Variants in PRTG observed in about 807,000 individuals in gnomAD.
The protein encoded by PRTG is immunoglobulin superfamily, DCC subclass, member 5.
In PRTG, 67 loss-of-function variants were observed where a neutral mutation model predicts 122.5. That is an observed-to-expected ratio of 0.55 (90% CI 0.45 to 0.67). The LOEUF (loss-of-function observed/expected upper bound fraction) is 0.67, where lower values mean the gene tolerates loss of function less well. Among genes scored for constraint, PRTG ranks in the 30% least tolerant of loss-of-function variants. The pLI is 0.00. For missense variants in PRTG, 1,435 were observed against 1,415.4 expected (o/e 1.01, Z -0.22); for synonymous variants, 554 against 501.1 (o/e 1.11, Z -1.41).
At chr15:55,721,621 G>A (rs1442822261) in intron 2 of PRTG, among the ~76,000 whole-genome samples, 4 of 152,096 alleles carry the variant, frequency 2.6e-5, no homozygotes, top group Non-Finnish European at 4.4e-5. Context: ...AGCTACATCA[G>A]GATCTCTCCC....
intron 2 of PRTG, among the ~76,000 whole-genome samples, chr15:55,698,885 G>C (rs76302043): frequency 6.6e-5 from 10 of 151,958 alleles, no homozygotes; most frequent in African/African-American, 9.7e-5. Flanking sequence ...GTGCGGGGGT[G>C]GGGGAGATTC....
chr15:55,709,894 G>A (rs1457346394), intron 2 of PRTG, among the ~76,000 whole-genome samples: 2 of 152,220 alleles, frequency 1.3e-5, no homozygotes, highest in Non-Finnish European at 2.9e-5. Flanking sequence ...AAACTTTCGG[G>A]AGAGATGAGT....
intron 5 of PRTG, 93 bp from the exon 6 acceptor site, chr15:55,680,305 G>T: frequency 8.3e-7 from 1 of 1,205,728 alleles, no homozygotes; most frequent in Non-Finnish European, 1.2e-6. Context: ...ATCATGAAAA[G>T]TATAAAATTA....
chr15:55,635,322 C>T (rs1287170954), intron 15 of PRTG, among the ~76,000 whole-genome samples: 1 of 152,064 alleles, frequency 6.6e-6, no homozygotes, highest in African/African-American at 2.4e-5. Flanking sequence ...GAACTTCTGA[C>T]CTCGTGATCC....
At chr15:55,638,237 T>C (rs569749972) in intron 14 of PRTG, among the ~76,000 whole-genome samples, 8 of 152,290 alleles carry the variant, frequency 5.3e-5, no homozygotes, top group Admixed American at 4.6e-4. Flanking sequence ...AACAAACATA[T>C]TATTCACTTA....
chr15:55,738,019 TATATATAC>T lies in PRTG; in HGVS notation c.397+2355_397+2362del, dbSNP rs766787862. 3.6e-3 allele frequency among the ~76,000 whole-genome samples: 415 copies of T among 114,744 alleles called. 2 individuals carry two copies. Among genetic ancestry groups the T allele is most frequent in the African/African-American group, 4.7e-3 (140 of 29,514 alleles). 75.3% of individuals were successfully genotyped at this position (114,744 alleles called of 152,430 possible). On this transcript the variant is annotated intron_variant, in intron 2 of 19. Transcript: ENST00000389286. ...CTCTCTCTCTATATATATATATATA[TATATATAC>T]ACACACACACACACACACACACACC...
chr15:55,665,609 A>C (rs1462688159), intron 11 of PRTG, among the ~76,000 whole-genome samples: 2 of 150,470 alleles, frequency 1.3e-5, no homozygotes, highest in African/African-American at 4.9e-5. Context: ...GCAGTGGCAG[A>C]ATCTTGGTTC....
At chr15:55,704,189 C>T (rs943163785) in intron 2 of PRTG, among the ~76,000 whole-genome samples, 1 of 152,172 alleles carries the variant, frequency 6.6e-6, no homozygotes, top group Non-Finnish European at 1.5e-5. Context: ...CTTTCTTATG[C>T]CTTGTTGTCA....
Position 55,742,958 on chromosome 15 carries a change from C to G in PRTG, c.-27G>C. 6.7e-7 allele frequency: 1 copy of G among 1,484,448 alleles called. No individual in the cohort carries two copies. The allele number at this position is 1,484,448 out of a possible 1,614,324, so 92.0% of individuals were successfully genotyped here. ...CAGCGTAGCCGCGCGGGCATGCTCCCCGGCCGCCCAGAGCCCCTGTCCGTC... is the reference window on the plus strand; with the variant it reads ...CAGCGTAGCCGCGCGGGCATGCTCCGCGGCCGCCCAGAGCCCCTGTCCGTC... On this transcript the variant is annotated 5_prime_UTR_variant, in exon 1 of 20. Transcript: ENST00000389286.
intron 17 of PRTG, 103 bp downstream of exon 17, chr15:55,626,905 G>T: frequency 1.0e-6 from 1 of 998,836 alleles, no homozygotes; most frequent in Non-Finnish European, 1.4e-6. Context: ...TTTAAAGTAG[G>T]AAATCCCAGT....
intron 15 of PRTG, among the ~76,000 whole-genome samples, chr15:55,631,758 G>A (rs1016856876): frequency 1.3e-5 from 2 of 152,140 alleles, no homozygotes; most frequent in South Asian, 2.1e-4. Flanking sequence ...CTTGGGGCAC[G>A]TTACTGAACT....
intron 2 of PRTG, among the ~76,000 whole-genome samples, chr15:55,706,895 A>C (rs2030149003): frequency 6.6e-6 from 1 of 152,098 alleles, no homozygotes; most frequent in South Asian, 2.1e-4. Context: ...ATGCTTTGCT[A>C]CTCTAAGTGC....
rs1033428022 is a variant in PRTG at position 55,614,462 on chromosome 15, T to G, written c.*5550A>C. 2 of 152,086 alleles carry G rather than the reference T, an allele frequency of 1.3e-5. No individual in the cohort carries two copies. The highest frequency in any genetic ancestry group is 4.8e-5 in the African/African-American group (2 of 41,434). The allele number at this position is 152,086 out of a possible 1,614,324, so 9.4% of individuals were successfully genotyped here. Reference sequence around the variant, plus strand: ...CATTAAAAGAAAACAAAGAATAAACTTGAGCATGGTCCTGTTCATCACTCT... The same window carrying G: ...CATTAAAAGAAAACAAAGAATAAACGTGAGCATGGTCCTGTTCATCACTCT... On this transcript the variant is annotated 3_prime_UTR_variant, in exon 20 of 20. Transcript: ENST00000389286.
intron 17 of PRTG, among the ~76,000 whole-genome samples, chr15:55,626,164 G>A (rs892907276): frequency 6.6e-5 from 10 of 152,082 alleles, no homozygotes; most frequent in African/African-American, 1.4e-4. Context: ...GCCTGTAATT[G>A]CAGTACTTTG....
chr15:55,621,980 T>C (rs773916707), intron 18 of PRTG, among the ~76,000 whole-genome samples: 1 of 152,130 alleles, frequency 6.6e-6, no homozygotes, highest in Non-Finnish European at 1.5e-5. Flanking sequence ...AACCCACATA[T>C]GATCAACAAA....
chr15:55,679,215 A>C (rs1411248326), intron 7 of PRTG, 71 bp downstream of exon 7: 1 of 971,274 alleles, frequency 1.0e-6, no homozygotes, highest in African/African-American at 1.6e-5. Flanking sequence ...ATATTATTAT[A>C]ACCATTTCAC....
chr15:55,617,051 GA>G lies in PRTG; in HGVS notation c.*2960del, dbSNP rs1003540373. On this transcript the variant is annotated 3_prime_UTR_variant, in exon 20 of 20. Coordinates refer to ENST00000389286, the MANE Select transcript of PRTG (RefSeq NM_173814.6). ...TTACCATTTGCATATTAGCCCCTTT[GA>G]AGTACAATACCATGAAGTAATACCA... 2.0e-5 allele frequency: 3 copies of G among 152,068 alleles called. No homozygotes were observed. The highest frequency in any genetic ancestry group is 4.4e-5 in the Non-Finnish European group (3 of 67,976). 9.4% of individuals were successfully genotyped at this position (152,068 alleles called of 1,614,324 possible). A position where few individuals can be genotyped will look rare whatever the true frequency, so the allele number is the denominator to read the frequency against.
At chr15:55,646,716 A>G (rs1390695637) in intron 11 of PRTG, among the ~76,000 whole-genome samples, 1 of 152,204 alleles carries the variant, frequency 6.6e-6, no homozygotes, top group East Asian at 1.9e-4. Flanking sequence ...AGCAATATAT[A>G]AAGATGAAGG....
chr15:55,741,700 C>T (rs144761007), intron 1 of PRTG, among the ~76,000 whole-genome samples: 9 of 152,286 alleles, frequency 5.9e-5, no homozygotes, highest in African/African-American at 2.2e-4. Flanking sequence ...TGATTACAAA[C>T]CCCCAGAAAT....
Sources: allele counts gnomAD v4.1 joint callset (sites outside exome capture counted in the v4.1 genomes callset), GRCh38; gene constraint gnomAD v4.1.1; transcripts MANE v1.5; gene names NCBI Gene and HGNC (gene_info 2026-07-23, HGNC 2026-07-21).